MAS1: variants seen among roughly 807,000 people sequenced by gnomAD.
MAS1 encodes MAS1 proto-oncogene, G protein-coupled receptor.
For missense variants in MAS1, 387 were observed against 409.7 expected (o/e 0.94, Z 0.48); for synonymous variants, 163 against 164.2 (o/e 0.99, Z 0.05).
In MAS1 at chr6:159,914,926, G is replaced by A. The variant is rs1343647588; in HGVS notation, c.*6993G>A. The stretch of plus-strand genomic sequence containing the variant: ...AGTGACACTATGCCAGCTGGGAGTG[G>A]TGGCACAGTCCGAATTGATTGTTTC... On this transcript the variant is annotated 3_prime_UTR_variant, in exon 3 of 3. Coordinates refer to ENST00000674077, the MANE Select transcript of MAS1 (RefSeq NM_002377.4). 1 of 152,246 alleles carries A rather than the reference G, an allele frequency of 6.6e-6. No homozygotes were observed. The highest frequency in any genetic ancestry group is 2.4e-5 in the African/African-American group (1 of 41,450). The allele number at this position is 152,246 out of a possible 1,614,324, so 9.4% of individuals were successfully genotyped here. A position where few individuals can be genotyped will look rare whatever the true frequency, so the allele number is the denominator to read the frequency against.
At chr6:159,899,729 A>G (rs1020781988) in intron 2 of MAS1, among the ~76,000 whole-genome samples, 5 of 152,048 alleles carry the variant, frequency 3.3e-5, no homozygotes, top group African/African-American at 1.2e-4. Flanking sequence ...ACAGAGCAAG[A>G]CACTGTTTCA....
intron 2 of MAS1, among the ~76,000 whole-genome samples, 188 bp downstream of exon 2, chr6:159,899,580 G>A (rs932508343): frequency 1.3e-5 from 2 of 151,894 alleles, no homozygotes; most frequent in Non-Finnish European, 2.9e-5. Flanking sequence ...AAACAACAAC[G>A]ACAACAAAAA....
intron 1 of MAS1, among the ~76,000 whole-genome samples, chr6:159,895,315 A>G (rs1365020685): frequency 6.6e-6 from 1 of 152,196 alleles, no homozygotes; most frequent in African/African-American, 2.4e-5. Flanking sequence ...TCACCTGGAA[A>G]AACAAGGGGG....
At chr6:159,905,674 G>A (rs1020689576) in intron 2 of MAS1, among the ~76,000 whole-genome samples, 4 of 152,138 alleles carry the variant, frequency 2.6e-5, no homozygotes, top group African/African-American at 9.7e-5. Context: ...CAAGTGCCAC[G>A]AAATAACACA....
Position 159,908,526 on chromosome 6 carries a change from C to CACACAT in MAS1, c.*598_*599insTACACA, listed in dbSNP as rs1434084853. 1 of 151,760 alleles carries CACACAT rather than the reference C, an allele frequency of 6.6e-6. No individual in the cohort carries two copies. The highest frequency in any genetic ancestry group is 1.5e-5 in the Non-Finnish European group (1 of 68,046). The allele number at this position is 151,760 out of a possible 1,614,324, so 9.4% of individuals were successfully genotyped here. ...TTTGTAAAGCACACACACACACACA[C>CACACAT]ACACACACACACACACACAGCTCTA... On this transcript the variant is annotated 3_prime_UTR_variant, in exon 3 of 3. Transcript: ENST00000674077.
intron 2 of MAS1, among the ~76,000 whole-genome samples, chr6:159,903,916 T>C (rs1241483942): frequency 3.3e-5 from 5 of 152,212 alleles, no homozygotes; most frequent in Non-Finnish European, 7.3e-5. Flanking sequence ...GGCATTCATT[T>C]TGTCCAGTCT....
In MAS1 at chr6:159,908,170, C is replaced by A; in HGVS notation, c.*237C>A. On this transcript the variant is annotated 3_prime_UTR_variant, in exon 3 of 3. Coordinates refer to ENST00000674077, the MANE Select transcript of MAS1 (RefSeq NM_002377.4). ...TTCAGCTCTTTTGGCAGCATCTTAC[C>A]ATGAACCATAAAAATGACTTTTGCA... 1 of 391,614 alleles carries A rather than the reference C, an allele frequency of 2.6e-6. No homozygotes were observed. The highest frequency in any genetic ancestry group is 4.5e-6 in the Non-Finnish European group (1 of 222,186). 24.3% of individuals were successfully genotyped at this position (391,614 alleles called of 1,614,324 possible).
At chr6:159,904,220 C>G (rs554365807) in intron 2 of MAS1, among the ~76,000 whole-genome samples, 1 of 152,072 alleles carries the variant, frequency 6.6e-6, no homozygotes, top group African/African-American at 2.4e-5. Context: ...TTTAATGGCC[C>G]GTATTTCACA....
chr6:159,909,966 G>T lies in MAS1; in HGVS notation c.*2033G>T, dbSNP rs949505330. 6.6e-6 allele frequency: 1 copy of T among 152,170 alleles called. No homozygotes were observed. The highest frequency in any genetic ancestry group is 1.9e-4 in the East Asian group (1 of 5,204). 9.4% of individuals were successfully genotyped at this position (152,170 alleles called of 1,614,324 possible). On this transcript the variant is annotated 3_prime_UTR_variant, in exon 3 of 3. Coordinates refer to ENST00000674077, the MANE Select transcript of MAS1 (RefSeq NM_002377.4). ...ATTCAGAGTTTGGCAGGGTTATAAAGACTAATTTCTTTCTGTCTTCCCCCA... is the reference window on the plus strand; with the variant it reads ...ATTCAGAGTTTGGCAGGGTTATAAATACTAATTTCTTTCTGTCTTCCCCCA...
intron 2 of MAS1, chr6:159,906,692 A>T (rs1048073113): frequency 4.5e-5 from 18 of 395,794 alleles, no homozygotes; most frequent in Middle Eastern, 1.4e-3. Flanking sequence ...ATCACTGGGG[A>T]TCCAGAAGGG....
In MAS1 at chr6:159,911,357, CAG is replaced by C. The variant is rs1159058859; in HGVS notation, c.*3427_*3428del. On this transcript the variant is annotated 3_prime_UTR_variant, in exon 3 of 3. Coordinates refer to ENST00000674077, the MANE Select transcript of MAS1 (RefSeq NM_002377.4). ...TTTTTTTTTTTTTTTTTTTTTGAGA[CAG>C]AGTCTTGCTCTGTTGCCCCAGCTGG... 1.1e-5 allele frequency: 1 copy of C among 94,668 alleles called. No individual in the cohort carries two copies. Among genetic ancestry groups the C allele is most frequent in the African/African-American group, 4.2e-5 (1 of 23,546 alleles). 5.9% of individuals were successfully genotyped at this position (94,668 alleles called of 1,614,324 possible). A position where few individuals can be genotyped will look rare whatever the true frequency, so the allele number is the denominator to read the frequency against.
chr6:159,905,646 A>G (rs1782876518), intron 2 of MAS1, among the ~76,000 whole-genome samples: 2 of 152,232 alleles, frequency 1.3e-5, no homozygotes, highest in African/African-American at 4.8e-5. Context: ...AGAAATGTCT[A>G]ATATCACCAG....
intron 1 of MAS1, among the ~76,000 whole-genome samples, chr6:159,898,262 G>A (rs1782776342): frequency 6.6e-6 from 1 of 151,980 alleles, no homozygotes; most frequent in Non-Finnish European, 1.5e-5. Flanking sequence ...AAAGGTTAGA[G>A]GCAGACTAGA....
chr6:159,900,166 C>T (rs1300976940), intron 2 of MAS1, among the ~76,000 whole-genome samples: 1 of 152,212 alleles, frequency 6.6e-6, no homozygotes, highest in East Asian at 1.9e-4. Context: ...AGTGCAAGTG[C>T]CTACCTCGTC....
chr6:159,890,086 A>T (rs1782679841), upstream of MAS1, among the ~76,000 whole-genome samples: 1 of 152,104 alleles, frequency 6.6e-6, no homozygotes, highest in South Asian at 2.1e-4. Context: ...ACCCTGAGTG[A>T]GGGGTGGGTC....
intron 1 of MAS1, among the ~76,000 whole-genome samples, chr6:159,897,105 A>ACC (rs1434412365): frequency 1.3e-5 from 2 of 151,824 alleles, no homozygotes; most frequent in East Asian, 3.9e-4. Flanking sequence ...CGATCTCCTG[A>ACC]CCTTGTGATC....
rs758290773 is a variant in MAS1 at position 159,907,558 on chromosome 6, C to T, written c.603C>T (p.Pro201=). The T allele has an allele frequency of 1.2e-6, 2 of 1,613,940 alleles. No homozygotes were observed. Among genetic ancestry groups the T allele is most frequent in the East Asian group, 2.2e-5 (1 of 44,870 alleles). The part of the protein sequence containing the change: ...IAILSFLVFT[P]LMLVSSTILV... Reference sequence around the variant, plus strand: ...TCCTGAGCTTCCTGGTCTTCACGCCCCTCATGCTGGTGTCCAGCACCATCT... The same window carrying T: ...TCCTGAGCTTCCTGGTCTTCACGCCTCTCATGCTGGTGTCCAGCACCATCT... The change falls in exon 3 of 3, where the codon CCC becomes CCT. Residue 201 remains proline, a synonymous_variant. Coordinates refer to ENST00000674077, the MANE Select transcript of MAS1 (RefSeq NM_002377.4).
intron 1 of MAS1, among the ~76,000 whole-genome samples, chr6:159,893,213 C>G (rs1469513279): frequency 1.3e-5 from 2 of 152,206 alleles, no homozygotes; most frequent in Admixed American, 1.3e-4. Flanking sequence ...GGTGCTGGAG[C>G]CTGAATAGGC....
In MAS1 at chr6:159,907,387, C is replaced by T. The variant is rs756790658; in HGVS notation, c.432C>T (p.Arg144=). Reference sequence around the variant, plus strand: ...ACCCCATCTGGTACCGATGCCATCGCCCCAAGTACCAGTCGGCATTGGTCT... The same window carrying T: ...ACCCCATCTGGTACCGATGCCATCGTCCCAAGTACCAGTCGGCATTGGTCT... The part of the protein sequence containing the change: ...VLYPIWYRCH[R]PKYQSALVCA... Residue 144 remains arginine (R), a synonymous_variant, in exon 3 of 3, where the codon CGC becomes CGT. Transcript: ENST00000674077. 1.9e-6 allele frequency: 3 copies of T among 1,614,086 alleles called. No individual in the cohort carries two copies. The highest frequency in any genetic ancestry group is 2.5e-6 in the Non-Finnish European group (3 of 1,180,006).
Sources: allele counts gnomAD v4.1 joint callset (sites outside exome capture counted in the v4.1 genomes callset), GRCh38; gene constraint gnomAD v4.1.1; transcripts MANE v1.5; gene names NCBI Gene and HGNC (gene_info 2026-07-23, HGNC 2026-07-21).